The following ME3 variants were observed in gnomAD, a reference collection of about 807,000 sequenced individuals.
The protein encoded by ME3 is NADP-dependent malic enzyme, mitochondrial.
ME3 carries 48 observed loss-of-function variants against 68.9 expected under a neutral mutation model. That is an observed-to-expected ratio of 0.70 (90% CI 0.55 to 0.89). The LOEUF is 0.89. Ranked by LOEUF, ME3 falls within the 40% of genes least tolerant of loss-of-function variation. The pLI is 0.00. For missense variants in ME3, 675 were observed against 797.4 expected, an observed-to-expected ratio of 0.85 and a Z score of 1.85; for synonymous variants, 320 against 318.8, an observed-to-expected ratio of 1.00 and a Z score of -0.04.
chr11:86,600,518 C>T (rs1180699867), intron 2 of ME3, among the ~76,000 whole-genome samples: 1 of 149,520 alleles, frequency 6.7e-6, no homozygotes, highest in Non-Finnish European at 1.5e-5. Flanking sequence ...CTTTAACACC[C>T]CACTGTCAAC....
chr11:86,569,169 T>C (rs904348164), intron 2 of ME3, among the ~76,000 whole-genome samples: 33 of 152,198 alleles, frequency 2.2e-4, no homozygotes, highest in Non-Finnish European at 4.0e-4. Flanking sequence ...GAGCAGATGC[T>C]GGAGAGGAGC....
At chr11:86,542,929 A>T (rs1241442301) in intron 4 of ME3, among the ~76,000 whole-genome samples, 1 of 152,262 alleles carries the variant, frequency 6.6e-6, no homozygotes. Context: ...CCATAAAGGG[A>T]AGCCCATCGG....
intron 2 of ME3, among the ~76,000 whole-genome samples, chr11:86,668,830 T>C (rs1427800597): frequency 6.6e-6 from 1 of 152,208 alleles, no homozygotes; most frequent in Non-Finnish European, 1.5e-5. Flanking sequence ...AAGAATTTAA[T>C]GTTAAGCTAG....
At chr11:86,542,619 G>A (rs1247531579) in intron 4 of ME3, among the ~76,000 whole-genome samples, 1 of 152,094 alleles carries the variant, frequency 6.6e-6, no homozygotes, top group Admixed American at 6.5e-5. Context: ...ATAATGAAAA[G>A]GAATGAAGGA....
At position 86,601,035 on chromosome 11, in the gene ME3, G is replaced by T. The variant is rs1390364363; in HGVS notation, c.184-41212C>A. ...AAAATTGACACCCTAACATCACAATGAAAAGAACTAGAAAAGGAAGAGCAA... is the reference window on the plus strand; with the variant it reads ...AAAATTGACACCCTAACATCACAATTAAAAGAACTAGAAAAGGAAGAGCAA... On this transcript the variant is annotated intron_variant, in intron 2 of 14. Transcript: ENST00000543262. Among the ~76,000 whole-genome samples the T allele has an allele frequency of 4.9e-3, 736 of 150,692 alleles. 2 individuals carry two copies. The highest frequency in any genetic ancestry group is 0.017 in the African/African-American group (690 of 40,666).
chr11:86,527,624 C>A (rs1035481334), intron 4 of ME3, among the ~76,000 whole-genome samples: 4 of 152,136 alleles, frequency 2.6e-5, no homozygotes, highest in African/African-American at 4.8e-5. Context: ...GGGTTACCCA[C>A]AAAGGGAAGC....
At chr11:86,514,552 G>C (rs781098483) in intron 4 of ME3, among the ~76,000 whole-genome samples, 7 of 152,166 alleles carry the variant, frequency 4.6e-5, no homozygotes, top group Non-Finnish European at 1.0e-4. Context: ...CTCAAGTGAT[G>C]GTTCACAGAA....
intron 2 of ME3, among the ~76,000 whole-genome samples, chr11:86,670,412 C>T (rs1050959791): frequency 3.9e-5 from 6 of 152,168 alleles, no homozygotes; most frequent in Non-Finnish European, 2.9e-5. Flanking sequence ...TGGTTCAAGC[C>T]GTGCCTGCAA....
intron 2 of ME3, among the ~76,000 whole-genome samples, chr11:86,560,702 A>ATGTGTGTGTGTGTGTGTGTG (rs1957163076): frequency 1.8e-5 from 1 of 54,484 alleles, no homozygotes; most frequent in Admixed American, 2.4e-4. Flanking sequence ...GTATATAATG[A>ATGTGTGTGTGTGTGTGTGTG]TATGTGTGTG....
At chr11:86,580,031 A>T (rs997721325) in intron 2 of ME3, among the ~76,000 whole-genome samples, 4 of 151,912 alleles carry the variant, frequency 2.6e-5, no homozygotes, top group Non-Finnish European at 4.4e-5. Context: ...TCTGAGATAG[A>T]ATCTAATTCT....
downstream of ME3, among the ~76,000 whole-genome samples, chr11:86,438,679 C>T (rs1345770711): frequency 6.6e-6 from 1 of 152,050 alleles, no homozygotes; most frequent in East Asian, 1.9e-4. Context: ...CTAATCTTTG[C>T]TTGCTTTGAA....
chr11:86,606,687 G>A (rs558281946), intron 2 of ME3, among the ~76,000 whole-genome samples: 25 of 152,314 alleles, frequency 1.6e-4, no homozygotes, highest in African/African-American at 6.0e-4. Context: ...GTGACCAATA[G>A]TCCATGGTGC....
At chr11:86,451,331 A>G (rs1565795650) in intron 8 of ME3, among the ~76,000 whole-genome samples, 1 of 152,214 alleles carries the variant, frequency 6.6e-6, no homozygotes, top group Admixed American at 6.5e-5. Context: ...GAGTAAGAGG[A>G]TATTTGTGCC....
At chr11:86,452,109 C>T (rs1163713255) in intron 8 of ME3, among the ~76,000 whole-genome samples, 7 of 152,164 alleles carry the variant, frequency 4.6e-5, no homozygotes, top group African/African-American at 1.2e-4. Context: ...GGGAGTGGCT[C>T]CTCTTACCAT....
chr11:86,558,376 GAGGGAGAGGA>G (rs1957035441), intron 3 of ME3, among the ~76,000 whole-genome samples: 1 of 152,204 alleles, frequency 6.6e-6, no homozygotes, highest in South Asian at 2.1e-4. Context: ...AGATAAAAAA[GAGGGAGAGGA>G]TATTTGGCCT....
At chr11:86,622,023 T>C (rs569207816) in intron 2 of ME3, among the ~76,000 whole-genome samples, 5 of 152,034 alleles carry the variant, frequency 3.3e-5, no homozygotes, top group Non-Finnish European at 7.4e-5. Context: ...TGTTAAATAT[T>C]GTATTGGGTA....
chr11:86,578,690 C>T (rs1184434324), intron 2 of ME3, among the ~76,000 whole-genome samples: 2 of 152,168 alleles, frequency 1.3e-5, no homozygotes, highest in Non-Finnish European at 2.9e-5. Context: ...CATTGTGGTG[C>T]ACAGGAGATC....
chr11:86,666,404 A>G (rs1447733852), intron 2 of ME3, among the ~76,000 whole-genome samples: 1 of 152,214 alleles, frequency 6.6e-6, no homozygotes, highest in Non-Finnish European at 1.5e-5. Context: ...GCTTGCCCAG[A>G]CTTGTTCCTA....
intron 4 of ME3, among the ~76,000 whole-genome samples, chr11:86,526,835 G>A (rs1312828825): frequency 6.6e-6 from 1 of 152,156 alleles, no homozygotes; most frequent in East Asian, 1.9e-4. Flanking sequence ...CTAACAAACA[G>A]AAAGGACATC....
Sources: gnomAD v4.1 joint callset for allele counts (sites outside exome capture counted in the v4.1 genomes callset) on GRCh38, gnomAD v4.1.1 for gene constraint, MANE v1.5 for transcripts, NCBI Gene and HGNC (gene_info 2026-07-23, HGNC 2026-07-21) for gene names.